The following PRKN variants were observed in gnomAD, a reference collection of about 807,000 sequenced individuals.
PRKN encodes E3 ubiquitin-protein ligase parkin.
Under a neutral mutation model 59.5 loss-of-function variants are expected in PRKN, and 56 were observed. The ratio of observed to expected loss-of-function variants is 0.94; its 90% CI spans 0.76 to 1.18. The LOEUF (loss-of-function observed/expected upper bound fraction) is 1.18, where lower values mean the gene tolerates loss of function less well. Ranked by LOEUF, PRKN falls within the 50% of genes most tolerant of loss-of-function variation. The pLI is 0.00. For synonymous variants in PRKN, 250 were observed against 222.1 expected, an observed-to-expected ratio of 1.13 and a Z score of -1.12; for missense variants, 657 against 596.4, an observed-to-expected ratio of 1.10 and a Z score of -1.06.
At chr6:161,622,698 T>C (rs1363450784) in intron 7 of PRKN, among the ~76,000 whole-genome samples, 1 of 152,208 alleles carries the variant, frequency 6.6e-6, no homozygotes, top group Non-Finnish European at 1.5e-5. Flanking sequence ...AACTTTAGGC[T>C]TCTGGGAAAG....
chr6:162,213,850 CACACACACATAT>C lies in PRKN; in HGVS notation c.413-12610_413-12599del, dbSNP rs1281041539. Among the ~76,000 whole-genome samples, 3 of 102,452 alleles carry C rather than the reference CACACACACATAT, an allele frequency of 2.9e-5. No homozygotes were observed. In the South Asian group the frequency reaches 1.0e-3, roughly 34 times the overall value. 67.2% of individuals were successfully genotyped at this position (102,452 alleles called of 152,430 possible). On this transcript the variant is annotated intron_variant, in intron 3 of 11. Transcript: ENST00000366898. Reference sequence around the variant, plus strand: ...ACACACACACACACACACACACACACACACACACATATGAATAGTAAGAAGTAATAGAGTCTT... The same window carrying C: ...ACACACACACACACACACACACACACGAATAGTAAGAAGTAATAGAGTCTT...
rs1790727641 is a variant in PRKN at position 161,793,718 on chromosome 6, G to A, written c.735-7810C>T. On this transcript the variant is annotated intron_variant, in intron 6 of 11. Coordinates refer to ENST00000366898, the MANE Select transcript of PRKN (RefSeq NM_004562.3). ...GGTTGGAGGAAGGGCTCCCAAGATA[G>A]CTCATGGCTCAGTGCATCCAGTCTA... 2.6e-5 allele frequency among the ~76,000 whole-genome samples: 4 copies of A among 152,252 alleles called. No individual in the cohort carries two copies. In the South Asian group the frequency reaches 8.3e-4, roughly 32 times the overall value.
chr6:161,892,415 T>A (rs6905964), intron 6 of PRKN, among the ~76,000 whole-genome samples: 73,717 of 148,144 alleles, frequency 0.5, 20,257 homozygotes, highest in African/African-American at 0.75. Flanking sequence ...AAAAAAAAAA[T>A]AAATAAGATT....
rs1785023170 is a variant in PRKN, at chr6:161,674,595, CTTGT to C, written c.872-105183_872-105180del. Among the ~76,000 whole-genome samples, 4 of 151,972 alleles carry C rather than the reference CTTGT, an allele frequency of 2.6e-5. No individual in the cohort carries two copies. In the South Asian group the frequency reaches 8.3e-4, roughly 32 times the overall value. On this transcript the variant is annotated intron_variant, in intron 7 of 11. Coordinates refer to ENST00000366898, the MANE Select transcript of PRKN (RefSeq NM_004562.3). ...ATTTTAGATTCAGGAGGTACACGTGCTTGTTTGTTTCATGGATATTACATGCGTA... is the reference window on the plus strand; with the variant it reads ...ATTTTAGATTCAGGAGGTACACGTGCTTGTTTCATGGATATTACATGCGTA...
intron 6 of PRKN, among the ~76,000 whole-genome samples, chr6:161,789,336 A>G (rs762744562): frequency 6.6e-6 from 1 of 152,058 alleles, no homozygotes; most frequent in Non-Finnish European, 1.5e-5. Flanking sequence ...ACTTCCTTTC[A>G]TTTCATCCTC....
At chr6:162,394,570 A>G (rs1424178582) in intron 2 of PRKN, among the ~76,000 whole-genome samples, 2 of 152,210 alleles carry the variant, frequency 1.3e-5, no homozygotes, top group East Asian at 3.8e-4. Flanking sequence ...TCACAGTGCC[A>G]TTATAGATGA....
chr6:162,379,599 C>T (rs1304131448), intron 2 of PRKN, among the ~76,000 whole-genome samples: 2 of 152,174 alleles, frequency 1.3e-5, no homozygotes, highest in African/African-American at 4.8e-5. Context: ...CGACACCTCC[C>T]AAACTGAGCC....
chr6:161,367,008 T>G, intron 10 of PRKN, among the ~76,000 whole-genome samples: 1 of 130,646 alleles, frequency 7.7e-6, no homozygotes, highest in East Asian at 2.1e-4. Flanking sequence ...TTTTTTTTTT[T>G]GAGACAGAGT....
intron 7 of PRKN, among the ~76,000 whole-genome samples, chr6:161,691,075 C>CATCT (rs1239063061): frequency 2.0e-5 from 3 of 152,078 alleles, no homozygotes; most frequent in African/African-American, 7.2e-5. Context: ...TCCATCCATC[C>CATCT]ACCCACCCCT....
chr6:161,487,886 C>T lies in PRKN; in HGVS notation c.1083+60968G>A, dbSNP rs1298595389. ...CTCCCTCCCTTCCCACCTCCCCCTACCTTCCTTCCTCTTTTTCTTCCCTCC... is the reference window on the plus strand; with the variant it reads ...CTCCCTCCCTTCCCACCTCCCCCTATCTTCCTTCCTCTTTTTCTTCCCTCC... On this transcript the variant is annotated intron_variant, in intron 9 of 11. Coordinates refer to ENST00000366898, the MANE Select transcript of PRKN (RefSeq NM_004562.3). This position sits in a 1 kb window ranked among gnomAD's most constrained non-coding sequence, Gnocchi z 5.3. 6.6e-6 allele frequency among the ~76,000 whole-genome samples: 1 copy of T among 152,140 alleles called. No homozygotes were observed. Among genetic ancestry groups the T allele is most frequent in the East Asian group, 1.9e-4 (1 of 5,184 alleles).
chr6:162,534,949 ACTT>A (rs1778657569), intron 1 of PRKN, among the ~76,000 whole-genome samples: 1 of 147,960 alleles, frequency 6.8e-6, no homozygotes, highest in Non-Finnish European at 1.5e-5. Flanking sequence ...TAAGAACACT[ACTT>A]CTTCAATGAC....
At chr6:162,368,269 G>A (rs1366655175) in intron 2 of PRKN, among the ~76,000 whole-genome samples, 1 of 152,014 alleles carries the variant, frequency 6.6e-6, no homozygotes, top group Non-Finnish European at 1.5e-5. Flanking sequence ...GGTCAAAACC[G>A]GGCTTCTTAT....
intron 10 of PRKN, among the ~76,000 whole-genome samples, chr6:161,366,221 G>A (rs1785192366): frequency 6.6e-6 from 1 of 152,170 alleles, no homozygotes; most frequent in Admixed American, 6.5e-5. Flanking sequence ...TGCAGGAAGA[G>A]AGACCTCCCC....
Position 162,556,342 on chromosome 6 carries a change from G to GGGGGGGGTGT in PRKN, c.8-112870_8-112869insACACCCCCCC, listed in dbSNP as rs1175202893. ...GAAACCAAGCAGTAACTACTCAGCT[G>GGGGGGGGTGT]GTGTGTGTGTGTGTGTGTGTGTGTG... On this transcript the variant is annotated intron_variant, in intron 1 of 11. Coordinates refer to ENST00000366898, the MANE Select transcript of PRKN (RefSeq NM_004562.3). Among the ~76,000 whole-genome samples, 7 of 57,300 alleles carry GGGGGGGGTGT rather than the reference G, an allele frequency of 1.2e-4. 1 individual carries two copies. Among genetic ancestry groups the GGGGGGGGTGT allele is most frequent in the Non-Finnish European group, 2.3e-4 (7 of 30,188 alleles). The allele number at this position is 57,300 out of a possible 152,430, so 37.6% of individuals were successfully genotyped here. A position where few individuals can be genotyped will look rare whatever the true frequency, so the allele number is the denominator to read the frequency against.
At chr6:162,196,976 A>G (rs4708944) in intron 4 of PRKN, among the ~76,000 whole-genome samples, 139,127 of 152,178 alleles carry the variant, frequency 0.91, 63,641 homozygotes, top group East Asian at 0.99. Context: ...ATACAATTAT[A>G]CTTTCAAAAA....
At chr6:161,988,503 T>C (rs78351136) in intron 5 of PRKN, among the ~76,000 whole-genome samples, 16,654 of 150,966 alleles carry the variant, frequency 0.11, 1,298 homozygotes, top group African/African-American at 0.21. Flanking sequence ...CAAAATAAAA[T>C]AAAATAAAAT....
intron 2 of PRKN, among the ~76,000 whole-genome samples, chr6:162,301,036 A>G (rs1369858001): frequency 2.0e-5 from 3 of 152,128 alleles, no homozygotes; most frequent in African/African-American, 7.2e-5. Context: ...AAAAAGAGAT[A>G]ATATATTTAT....
At chr6:161,939,418 CAAAAAAAA>C (rs34604240) in intron 6 of PRKN, among the ~76,000 whole-genome samples, 5 of 39,578 alleles carry the variant, frequency 1.3e-4, no homozygotes, top group Admixed American at 7.5e-4. Context: ...GACTCTGTCT[CAAAAAAAA>C]AAAAAAAAAA....
At chr6:161,555,208 C>T (rs1780189667) in intron 8 of PRKN, among the ~76,000 whole-genome samples, 1 of 152,038 alleles carries the variant, frequency 6.6e-6, no homozygotes, top group African/African-American at 2.4e-5. Context: ...AAGACAATAT[C>T]TATTATATGT....
Sources: allele counts gnomAD v4.1 joint callset (sites outside exome capture counted in the v4.1 genomes callset), GRCh38; gene constraint gnomAD v4.1.1; non-coding constraint Gnocchi (gnomAD v3.1); transcripts MANE v1.5; gene names NCBI Gene and HGNC (gene_info 2026-07-23, HGNC 2026-07-21).